Variants in ENOX1 observed in about 807,000 individuals in gnomAD.
ENOX1 encodes candidate growth-related and time keeping constitutive hydroquinone (NADH) oxidase.
ENOX1 carries 42 observed loss-of-function variants against 82.5 expected under a neutral mutation model. That is an observed-to-expected ratio of 0.51 (90% CI 0.40 to 0.66). ENOX1 has a LOEUF of 0.66. ENOX1 is among the 30% of genes least tolerant of loss of function. The pLI, the probability that ENOX1 is intolerant of heterozygous loss-of-function variation, is 0.00. For synonymous variants in ENOX1, 271 were observed against 282.2 expected (o/e 0.96, Z 0.40); for missense variants, 608 against 811.6 (o/e 0.75, Z 3.05).
At chr13:43,297,791 G>T (rs1245397109) in intron 12 of ENOX1, among the ~76,000 whole-genome samples, 1 of 151,876 alleles carries the variant, frequency 6.6e-6, no homozygotes, top group African/African-American at 2.4e-5. Flanking sequence ...CACAGCTATT[G>T]CCCTGTTTCT....
At chr13:43,386,987 G>A (rs2052453441) in intron 5 of ENOX1, among the ~76,000 whole-genome samples, 1 of 152,134 alleles carries the variant, frequency 6.6e-6, no homozygotes, top group African/African-American at 2.4e-5. Context: ...AATGGCAGAG[G>A]AAAATTATAT....
chr13:43,726,630 G>A (rs2088974934), intron 1 of ENOX1, among the ~76,000 whole-genome samples: 1 of 152,148 alleles, frequency 6.6e-6, no homozygotes, highest in Non-Finnish European at 1.5e-5. Context: ...GCCTGAAGGA[G>A]AAGAATTGGC....
intron 1 of ENOX1, among the ~76,000 whole-genome samples, chr13:43,732,821 G>T (rs1225627416): frequency 6.6e-6 from 1 of 152,118 alleles, no homozygotes; most frequent in African/African-American, 2.4e-5. Flanking sequence ...ATTTTCTCTG[G>T]CCTTTCATTC....
At chr13:43,509,057 A>C (rs113178994) in intron 2 of ENOX1, among the ~76,000 whole-genome samples, 199 of 152,154 alleles carry the variant, frequency 1.3e-3, no homozygotes, top group African/African-American at 4.6e-3. Context: ...TTGGTAATTC[A>C]GAAATTACTA....
intron 8 of ENOX1, among the ~76,000 whole-genome samples, chr13:43,353,085 CTT>C (rs61172952): frequency 0.015 from 2,223 of 152,258 alleles, 62 homozygotes; most frequent in African/African-American, 0.05. Flanking sequence ...ACGAATACTT[CTT>C]GAGTGATTGG....
At chr13:43,702,334 T>C (rs1200277077) in intron 1 of ENOX1, among the ~76,000 whole-genome samples, 2 of 152,136 alleles carry the variant, frequency 1.3e-5, no homozygotes, top group Non-Finnish European at 2.9e-5. Flanking sequence ...AGCAGGCAGA[T>C]AGGGGATAAA....
chr13:43,418,267 C>T (rs2054752680), intron 3 of ENOX1, among the ~76,000 whole-genome samples: 1 of 152,052 alleles, frequency 6.6e-6, no homozygotes, highest in Non-Finnish European at 1.5e-5. Context: ...GTGGCTCAAG[C>T]CTGTAATCCC....
At chr13:43,541,173 G>GTTTTTTTTTTCTTTTTTTTTTTTTTTTT (rs2078698023) in intron 2 of ENOX1, among the ~76,000 whole-genome samples, 1 of 64,574 alleles carries the variant, frequency 1.5e-5, no homozygotes, top group Non-Finnish European at 3.2e-5. Flanking sequence ...TCTTCCCTCT[G>GTTTTTTTTTTCTTTTTTTTTTTTTTTTT]TTTTTTTTTT....
chr13:43,488,746 T>C (rs1438052532), intron 2 of ENOX1, among the ~76,000 whole-genome samples: 1 of 152,150 alleles, frequency 6.6e-6, no homozygotes, highest in Non-Finnish European at 1.5e-5. Context: ...GTGAACAGAA[T>C]GTTGGTATAA....
At chr13:43,263,177 GGTGA>G (rs1349795983) in intron 14 of ENOX1, among the ~76,000 whole-genome samples, 1 of 152,194 alleles carries the variant, frequency 6.6e-6, no homozygotes, top group Non-Finnish European at 1.5e-5. Flanking sequence ...CAGAAAAGAG[GGTGA>G]GTAAGTAATC....
intron 8 of ENOX1, 79 bp downstream of exon 8, chr13:43,355,840 T>C: frequency 7.3e-7 from 1 of 1,363,094 alleles, no homozygotes. Flanking sequence ...GGGACAATGG[T>C]GGACGCAGGA....
In ENOX1 at chr13:43,236,639, T is replaced by C. The variant is rs774845638; in HGVS notation, c.1711A>G (p.Ile571Val). Residue 571 changes from isoleucine (I) to valine (V), a missense_variant, in exon 15 of 17, where the codon ATA becomes GTA. Coordinates refer to ENST00000690772, the MANE Select transcript of ENOX1 (RefSeq NM_001347969.2). ...GLKSEKEALL[I>V]GIISTFLHVH... ...GAAGAAAACAGAATTTCCTTACCTA[T>C]TAGCAGAGCTTCTTTCTCTGATTTT... 6.4e-7 allele frequency: 1 copy of C among 1,568,562 alleles called. No individual in the cohort carries two copies.
At chr13:43,493,130 T>TTCTC (rs147517109) in intron 2 of ENOX1, among the ~76,000 whole-genome samples, 4 of 149,630 alleles carry the variant, frequency 2.7e-5, no homozygotes, top group South Asian at 4.3e-4. Context: ...TATCTTAAGA[T>TTCTC]TCTCTCTCTC....
At chr13:43,244,402 T>A (rs2042981915) in intron 14 of ENOX1, among the ~76,000 whole-genome samples, 1 of 152,174 alleles carries the variant, frequency 6.6e-6, no homozygotes, top group African/African-American at 2.4e-5. Context: ...CAATTCTGTA[T>A]AAGACTTTGA....
chr13:43,580,170 C>T (rs2080647511), intron 2 of ENOX1, among the ~76,000 whole-genome samples: 1 of 152,196 alleles, frequency 6.6e-6, no homozygotes, highest in Admixed American at 6.5e-5. Flanking sequence ...TTGACCTGTA[C>T]AAAAAATTCC....
chr13:43,648,241 C>T (rs921219454), intron 2 of ENOX1, among the ~76,000 whole-genome samples: 15 of 152,200 alleles, frequency 9.9e-5, no homozygotes, highest in Admixed American at 1.3e-4. Context: ...TGTATTTACT[C>T]ACCAATTCAT....
At chr13:43,561,969 A>G (rs2079693786) in intron 2 of ENOX1, among the ~76,000 whole-genome samples, 2 of 151,012 alleles carry the variant, frequency 1.3e-5, no homozygotes, top group African/African-American at 4.9e-5. Context: ...ACCCTGTCAA[A>G]AAAAAGGAAG....
At chr13:43,243,950 C>G (rs1796762808) in intron 14 of ENOX1, among the ~76,000 whole-genome samples, 1 of 151,972 alleles carries the variant, frequency 6.6e-6, no homozygotes, top group Non-Finnish European at 1.5e-5. Flanking sequence ...AGGCCACTTG[C>G]AAGGCTTCCT....
intron 14 of ENOX1, among the ~76,000 whole-genome samples, chr13:43,241,698 A>C (rs991511868): frequency 6.6e-6 from 1 of 152,212 alleles, no homozygotes; most frequent in Non-Finnish European, 1.5e-5. Flanking sequence ...AGGAATCATT[A>C]AAGGGCTGGA....
Sources: allele counts gnomAD v4.1 joint callset (sites outside exome capture counted in the v4.1 genomes callset), GRCh38; gene constraint gnomAD v4.1.1; transcripts MANE v1.5; gene names NCBI Gene and HGNC (gene_info 2026-07-23, HGNC 2026-07-21).